Variants in PCDHGA7 observed in about 807,000 individuals in gnomAD.
PCDHGA7 encodes the protein protocadherin gamma subfamily A, 7.
PCDHGA7 carries 44 observed loss-of-function variants against 58.3 expected under a neutral mutation model. The observed-to-expected ratio is 0.75, with a 90% CI of 0.59 to 0.97. PCDHGA7 has a LOEUF of 0.97. PCDHGA7 is among the 50% of genes least tolerant of loss of function. The pLI is 0.00. For synonymous variants in PCDHGA7, 516 were observed against 504.2 expected, an observed-to-expected ratio of 1.02 and a Z score of -0.31; for missense variants, 1,266 against 1,188.7, an observed-to-expected ratio of 1.06 and a Z score of -0.96.
chr5:141,474,685 T>G (rs1562045980), intron 1 of PCDHGA7, among the ~76,000 whole-genome samples: 1 of 152,224 alleles, frequency 6.6e-6, no homozygotes, highest in Non-Finnish European at 1.5e-5. Flanking sequence ...GCCTACCCCT[T>G]CACTTATGTT....
At chr5:141,469,780 G>A (rs775691161) in intron 1 of PCDHGA7, among the ~76,000 whole-genome samples, 12 of 152,080 alleles carry the variant, frequency 7.9e-5, no homozygotes, top group Non-Finnish European at 1.8e-4. Context: ...ATTTATTACA[G>A]CGTTATTTGT....
chr5:141,427,955 G>A (rs749241312), intron 1 of PCDHGA7: 1 of 1,587,202 alleles, frequency 6.3e-7, no homozygotes, highest in Non-Finnish European at 8.6e-7. Context: ...ATGACAATGT[G>A]CCGCGGGTGC....
intron 3 of PCDHGA7, among the ~76,000 whole-genome samples, chr5:141,510,147 C>T (rs1416633745): frequency 1.3e-5 from 2 of 151,984 alleles, no homozygotes; most frequent in Non-Finnish European, 2.9e-5. Flanking sequence ...GTGGTGTGCA[C>T]CTGTAATCTC....
chr5:141,458,540 TTTTG>T (rs754668779), intron 1 of PCDHGA7, among the ~76,000 whole-genome samples: 43 of 150,468 alleles, frequency 2.9e-4, no homozygotes, highest in East Asian at 1.7e-3. Context: ...ATCAACTTTA[TTTTG>T]TTTGTTTGTT....
intron 1 of PCDHGA7, among the ~76,000 whole-genome samples, chr5:141,463,896 T>C (rs982611169): frequency 2.0e-5 from 3 of 152,192 alleles, no homozygotes; most frequent in African/African-American, 7.2e-5. Flanking sequence ...CCTTGCTTTT[T>C]GTACTAATAA....
chr5:141,402,430 C>T (rs1026560659), intron 1 of PCDHGA7, among the ~76,000 whole-genome samples: 2 of 151,802 alleles, frequency 1.3e-5, no homozygotes, highest in African/African-American at 4.8e-5. Flanking sequence ...ATTGAAGCAT[C>T]ATAAAAAGGA....
intron 1 of PCDHGA7, among the ~76,000 whole-genome samples, chr5:141,470,854 A>G (rs553276517): frequency 6.6e-6 from 1 of 152,028 alleles, no homozygotes; most frequent in Admixed American, 6.6e-5. Context: ...TGCTCAGATA[A>G]GTTTTTTGTT....
intron 2 of PCDHGA7, among the ~76,000 whole-genome samples, chr5:141,502,564 C>T (rs2099815067): frequency 1.3e-5 from 2 of 151,774 alleles, no homozygotes; most frequent in East Asian, 1.9e-4. Context: ...CCAGATCTCT[C>T]CATTATAAAA....
chr5:141,452,968 A>G (rs1028716079), intron 1 of PCDHGA7, among the ~76,000 whole-genome samples: 3 of 152,210 alleles, frequency 2.0e-5, no homozygotes, highest in Non-Finnish European at 4.4e-5. Flanking sequence ...AACTGAGGGT[A>G]TATTGTCAAA....
chr5:141,476,049 C>T lies in PCDHGA7; in HGVS notation c.2425-18758C>T. 2.0e-6 allele frequency: 3 copies of T among 1,501,848 alleles called. No homozygotes were observed. The South Asian group carries it at 4.0e-5, about 20-fold the overall frequency. 93.0% of individuals were successfully genotyped at this position (1,501,848 alleles called of 1,614,324 possible). ...CGCCCAGCGCCCAAGCGCTAACCCG[C>T]TGAAAGTTTCTCAGCGAAATCTCAG... On this transcript the variant is annotated intron_variant, in intron 1 of 3. Coordinates refer to ENST00000518325, the MANE Select transcript of PCDHGA7 (RefSeq NM_018920.4). This position sits in a 1 kb window ranked among gnomAD's most constrained non-coding sequence, Gnocchi z 7.6.
At chr5:141,426,922 T>C in intron 1 of PCDHGA7, 1 of 456,720 alleles carries the variant, frequency 2.2e-6, no homozygotes, top group Non-Finnish European at 4.4e-6. Flanking sequence ...CTGGAAGCAA[T>C]GGACATGGGT....
At chr5:141,395,186 G>C in intron 1 of PCDHGA7, 1 of 1,614,086 alleles carries the variant, frequency 6.2e-7, no homozygotes, top group Non-Finnish European at 8.5e-7. Context: ...ATGATTCTTT[G>C]TTAACATCCG....
At chr5:141,404,482 C>T (rs758102201) in intron 1 of PCDHGA7, 2 of 1,613,594 alleles carry the variant, frequency 1.2e-6, no homozygotes, top group East Asian at 2.2e-5. Context: ...TTAACTCAGA[C>T]ACTGGTGTGC....
intron 1 of PCDHGA7, chr5:141,409,807 C>T (rs1561723178): frequency 1.2e-6 from 2 of 1,611,592 alleles, no homozygotes; most frequent in Non-Finnish European, 1.7e-6. Flanking sequence ...TGCAGGCCCG[C>T]GACCACGGCT....
intron 1 of PCDHGA7, chr5:141,404,993 C>G (rs1159647700): frequency 6.2e-7 from 1 of 1,613,850 alleles, no homozygotes; most frequent in Non-Finnish European, 8.5e-7. Flanking sequence ...TCTTCAGATC[C>G]CTGCAGACCT....
Position 141,404,160 on chromosome 5 carries a change from G to A in PCDHGA7, c.2424+18837G>A, listed in dbSNP as rs1308529085. On this transcript the variant is annotated intron_variant, in intron 1 of 3. Coordinates refer to ENST00000518325, the MANE Select transcript of PCDHGA7 (RefSeq NM_018920.4). The stretch of plus-strand genomic sequence containing the variant: ...GAAAATTCAGAAGAAGATTATTACA[G>A]ATTGTTGACGGCCCAAATTCTTGAC... The A allele has an allele frequency of 3.1e-6, 5 of 1,613,054 alleles. No homozygotes were observed. In the Admixed American group the frequency reaches 6.7e-5, roughly 22 times the overall value.
chr5:141,389,229 G>A, intron 1 of PCDHGA7: 1 of 1,614,048 alleles, frequency 6.2e-7, no homozygotes, highest in South Asian at 1.1e-5. Context: ...CAACGCTCCG[G>A]TTTTCTCACA....
At chr5:141,469,081 A>C (rs1451214440) in intron 1 of PCDHGA7, among the ~76,000 whole-genome samples, 1 of 151,790 alleles carries the variant, frequency 6.6e-6, no homozygotes, top group Non-Finnish European at 1.5e-5. Context: ...GTTTGAGACC[A>C]TTCTAGGCAA....
At chr5:141,392,873 G>C (rs1280602911) in intron 1 of PCDHGA7, 1 of 1,613,382 alleles carries the variant, frequency 6.2e-7, no homozygotes, top group Admixed American at 1.7e-5. Flanking sequence ...GCGCGCTGCT[G>C]GGAACGCTGT....
Sources: gnomAD v4.1 joint callset for allele counts (sites outside exome capture counted in the v4.1 genomes callset) on GRCh38, gnomAD v4.1.1 for gene constraint, Gnocchi (gnomAD v3.1) non-coding constraint, MANE v1.5 for transcripts, NCBI Gene and HGNC (gene_info 2026-07-23, HGNC 2026-07-21) for gene names.